The following KCNK4 variants were observed in gnomAD, a reference collection of about 807,000 sequenced individuals.
The protein encoded by KCNK4 is potassium two pore domain channel subfamily K member 4.
In KCNK4, 22 loss-of-function variants were observed where a neutral mutation model predicts 28.8. The ratio of observed to expected loss-of-function variants is 0.76; its 90% CI spans 0.55 to 1.09. The LOEUF is 1.09. Among genes scored for constraint, KCNK4 ranks in the 50% least tolerant of loss-of-function variants. The pLI, the probability that KCNK4 is intolerant of heterozygous loss-of-function variation, is 0.00. For synonymous variants in KCNK4, 263 were observed against 252.9 expected (o/e 1.04, Z -0.38); for missense variants, 483 against 546.3 (o/e 0.88, Z 1.15).
chr11:64,294,087 A>G (rs533921721), intron 2 of KCNK4, among the ~76,000 whole-genome samples: 1 of 152,074 alleles, frequency 6.6e-6, no homozygotes, highest in Non-Finnish European at 1.5e-5. Context: ...GTGATTTGGG[A>G]GGGTTCCAGG....
intron 2 of KCNK4, chr11:64,295,925 C>T (rs1357702494): frequency 6.6e-6 from 1 of 152,038 alleles, no homozygotes; most frequent in Admixed American, 6.6e-5. Flanking sequence ...CTCTGACTTC[C>T]TCTCACCTAG....
Position 64,299,949 on chromosome 11 carries a change from T to A in KCNK4, c.*223T>A. On this transcript the variant is annotated 3_prime_UTR_variant, in exon 7 of 7. Transcript: ENST00000422670. ...TCGCTGCCCCGGGCGGGTGTATCCC[T>A]CACAGCACCTCACGACTGTGCCTCA... is the stretch of plus-strand genomic sequence containing the variant. 1 of 727,998 alleles carries A rather than the reference T, an allele frequency of 1.4e-6. No individual in the cohort carries two copies. The highest frequency in any genetic ancestry group is 2.2e-6 in the Non-Finnish European group (1 of 445,416). The allele number at this position is 727,998 out of a possible 1,614,324, so 45.1% of individuals were successfully genotyped here. A position where few individuals can be genotyped will look rare whatever the true frequency, so the allele number is the denominator to read the frequency against.
chr11:64,299,880 C>T lies in KCNK4; in HGVS notation c.*154C>T, dbSNP rs980323411. On this transcript the variant is annotated 3_prime_UTR_variant, in exon 7 of 7. Coordinates refer to ENST00000422670, the MANE Select transcript of KCNK4 (RefSeq NM_033310.3). ...CGCCTCCTCCCTGGCCCCGGCCCTT[C>T]CCTCACTTCCATCCATCTCTAGACC... The T allele has an allele frequency of 7.0e-7, 1 of 1,433,190 alleles. No homozygotes were observed. The highest frequency in any genetic ancestry group is 1.4e-5 in the African/African-American group (1 of 70,692). The allele number at this position is 1,433,190 out of a possible 1,614,324, so 88.8% of individuals were successfully genotyped here.
Position 64,300,011 on chromosome 11 carries a change from T to G in KCNK4, c.*285T>G, listed in dbSNP as rs1407883663. 1 of 628,224 alleles carries G rather than the reference T, an allele frequency of 1.6e-6. No individual in the cohort carries two copies. The highest frequency in any genetic ancestry group is 2.8e-6 in the Non-Finnish European group (1 of 363,380). 38.9% of individuals were successfully genotyped at this position (628,224 alleles called of 1,614,324 possible). On this transcript the variant is annotated 3_prime_UTR_variant, in exon 7 of 7. Coordinates refer to ENST00000422670, the MANE Select transcript of KCNK4 (RefSeq NM_033310.3). ...AATAAATGAAAACGGTCTGCACCGCTGCGGGCGTGACGCTCCCGGACGCGA... is the reference window on the plus strand; with the variant it reads ...AATAAATGAAAACGGTCTGCACCGCGGCGGGCGTGACGCTCCCGGACGCGA...
At position 64,299,791 on chromosome 11, in the gene KCNK4, G is replaced by A; in HGVS notation, c.*65G>A. On this transcript the variant is annotated 3_prime_UTR_variant, in exon 7 of 7. Coordinates refer to ENST00000422670, the MANE Select transcript of KCNK4 (RefSeq NM_033310.3). ...CTGCTCTCCCCGGCATGCCTGGCTTGTTTGACCAAAGAGCCCTCTTTCCAC... is the reference window on the plus strand; with the variant it reads ...CTGCTCTCCCCGGCATGCCTGGCTTATTTGACCAAAGAGCCCTCTTTCCAC... 6.5e-7 allele frequency: 1 copy of A among 1,536,354 alleles called. No homozygotes were observed. The highest frequency in any genetic ancestry group is 1.2e-5 in the South Asian group (1 of 84,192).
chr11:64,294,000 A>G (rs2034704678), intron 2 of KCNK4, among the ~76,000 whole-genome samples: 1 of 152,148 alleles, frequency 6.6e-6, no homozygotes, highest in Non-Finnish European at 1.5e-5. Flanking sequence ...TCTTGGAGTC[A>G]TGTGCCTTAG....
At chr11:64,299,259 A>G in intron 6 of KCNK4, 87 bp from the exon 7 acceptor site, 1 of 1,246,108 alleles carries the variant, frequency 8.0e-7, no homozygotes, top group East Asian at 2.9e-5. Flanking sequence ...TTGGGGTTTG[A>G]TCCCTGCTGG....
chr11:64,298,076 C>T (rs747552481), intron 5 of KCNK4, 34 bp from the exon 6 acceptor site: 1 of 1,607,888 alleles, frequency 6.2e-7, no homozygotes. Flanking sequence ...GCCCCACAAT[C>T]CAATTCTTTC....
rs1476478002 is a variant in KCNK4, at chr11:64,293,017, C to T, written c.-2C>T. 9 of 1,542,928 alleles carry T rather than the reference C, an allele frequency of 5.8e-6. No individual in the cohort carries two copies. Among genetic ancestry groups the T allele is most frequent in the Admixed American group, 2.0e-5 (1 of 50,336 alleles). On this transcript the variant is annotated 5_prime_UTR_variant, in exon 2 of 7. Transcript: ENST00000422670. ...GGAGCTGGCCCGGCGCCTGGGCGCGCCATGCGCAGCACCACGCTCCTGGCC... is the reference window on the plus strand; with the variant it reads ...GGAGCTGGCCCGGCGCCTGGGCGCGTCATGCGCAGCACCACGCTCCTGGCC...
intron 6 of KCNK4, among the ~76,000 whole-genome samples, chr11:64,299,050 G>C: frequency 1.2e-5 from 1 of 85,080 alleles, no homozygotes; most frequent in South Asian, 4.3e-4. Flanking sequence ...AAAAAAAGAA[G>C]AAAAAAAAAA....
Position 64,299,839 on chromosome 11 carries a change from G to T in KCNK4, c.*113G>T. ...CACGAGACTGAAGTCTGGGGAGGAG[G>T]CTACAGTTGCCTCTCCGCCTCCTCC... On this transcript the variant is annotated 3_prime_UTR_variant, in exon 7 of 7. Coordinates refer to ENST00000422670, the MANE Select transcript of KCNK4 (RefSeq NM_033310.3). 6.5e-7 allele frequency: 1 copy of T among 1,530,648 alleles called. No homozygotes were observed. Among genetic ancestry groups the T allele is most frequent in the Non-Finnish European group, 8.8e-7 (1 of 1,142,722 alleles). The allele number at this position is 1,530,648 out of a possible 1,614,324, so 94.8% of individuals were successfully genotyped here. A position where few individuals can be genotyped will look rare whatever the true frequency, so the allele number is the denominator to read the frequency against.
At position 64,299,775 on chromosome 11, in the gene KCNK4, C is replaced by G; in HGVS notation, c.*49C>G. The G allele has an allele frequency of 2.0e-6, 3 of 1,538,064 alleles. No homozygotes were observed. The highest frequency in any genetic ancestry group is 2.6e-6 in the Non-Finnish European group (3 of 1,147,846). On this transcript the variant is annotated 3_prime_UTR_variant, in exon 7 of 7. Transcript: ENST00000422670. ...CTCAAGGGCTTCGTTTCTGCTCTCC[C>G]CGGCATGCCTGGCTTGTTTGACCAA...
intron 3 of KCNK4, 36 bp downstream of exon 3, chr11:64,297,037 G>A: frequency 6.3e-7 from 1 of 1,585,794 alleles, no homozygotes; most frequent in Non-Finnish European, 8.6e-7. Flanking sequence ...GGGCGGCAAG[G>A]AGCTTCCTCA....
Position 64,297,242 on chromosome 11 carries a change from T to A in KCNK4, c.437T>A (p.Leu146Gln). The A allele has an allele frequency of 6.2e-7, 1 of 1,613,822 alleles. No individual in the cohort carries two copies. The highest frequency in any genetic ancestry group is 8.5e-7 in the Non-Finnish European group (1 of 1,179,920). ...GTCGGGGACCGGCTGGGCTCCTCCCTGCGCCATGGCATCGGTCACATTGAA... is the reference window on the plus strand; with the variant it reads ...GTCGGGGACCGGCTGGGCTCCTCCCAGCGCCATGGCATCGGTCACATTGAA... ...AGVGDRLGSSLRHGIGHIEAI... is the reference protein window; with the variant it reads ...AGVGDRLGSSQRHGIGHIEAI... The change falls in exon 4 of 7, where the codon CTG (leucine) becomes CAG (glutamine). Residue 146 changes from leucine to glutamine, a missense_variant. Leu to Gln is a moderately radical substitution (Grantham distance 113). Transcript: ENST00000422670.
chr11:64,299,069 A>G (rs76215085), intron 6 of KCNK4, among the ~76,000 whole-genome samples: 1 of 151,646 alleles, frequency 6.6e-6, no homozygotes, highest in Non-Finnish European at 1.5e-5. Flanking sequence ...AAAAAAAAAA[A>G]AAAAGCATGT....
chr11:64,291,800 G>C (rs2034635035), intron 1 of KCNK4: 1 of 158,096 alleles, frequency 6.3e-6, no homozygotes, highest in Non-Finnish European at 1.4e-5. Flanking sequence ...GTGCGGTGCG[G>C]GCTCCGGTGC....
rs1443634523 is a variant in KCNK4 at position 64,297,989 on chromosome 11, ACATACC to A, written c.662-117_662-112del. 28 of 1,185,906 alleles carry A rather than the reference ACATACC, an allele frequency of 2.4e-5. No individual in the cohort carries two copies. In the Admixed American group the frequency reaches 2.7e-4, roughly 11 times the overall value. The allele number at this position is 1,185,906 out of a possible 1,614,324, so 73.5% of individuals were successfully genotyped here. On this transcript the variant is annotated intron_variant, in intron 5 of 6. Transcript: ENST00000422670. The stretch of plus-strand genomic sequence containing the variant: ...CCTGCCTGCACTCACACACTCAAGC[ACATACC>A]CATTGCCCTAGGGAGGGCAGGTCCT...
At chr11:64,292,184 TTG>T in intron 1 of KCNK4, 1 of 799,690 alleles carries the variant, frequency 1.3e-6, no homozygotes, top group Non-Finnish European at 1.5e-6. Flanking sequence ...GCGCGGGTCT[TTG>T]TGCCCGCGCT....
At chr11:64,294,482 C>T (rs1287046084) in intron 2 of KCNK4, among the ~76,000 whole-genome samples, 2 of 137,486 alleles carry the variant, frequency 1.5e-5, no homozygotes, top group African/African-American at 5.4e-5. Context: ...CACACCACTG[C>T]ACTCACTCCA....
Sources: allele counts gnomAD v4.1 joint callset (sites outside exome capture counted in the v4.1 genomes callset), GRCh38; gene constraint gnomAD v4.1.1; transcripts MANE v1.5; gene names NCBI Gene and HGNC (gene_info 2026-07-23, HGNC 2026-07-21).